B3GAT2: variants seen among roughly 807,000 people sequenced by gnomAD.
The protein encoded by B3GAT2 is beta-1,3-glucuronyltransferase 2.
A neutral mutation model predicts 27.8 loss-of-function variants in B3GAT2; 26 were observed. The observed-to-expected ratio is 0.93, with a 90% CI of 0.68 to 1.30. The LOEUF is 1.30. Among genes scored for constraint, B3GAT2 ranks in the 50% most tolerant of loss-of-function variants. B3GAT2 has a pLI of 0.00. For missense variants in B3GAT2, 458 were observed against 459.0 expected (o/e 1.00, Z 0.02); for synonymous variants, 218 against 195.1 (o/e 1.12, Z -0.98).
At chr6:70,947,174 A>G (rs1336375542) in intron 1 of B3GAT2, among the ~76,000 whole-genome samples, 1 of 152,042 alleles carries the variant, frequency 6.6e-6, no homozygotes, top group East Asian at 1.9e-4. Flanking sequence ...TAAAAGAACT[A>G]GAAAAGCAAG....
At chr6:70,872,520 T>G (rs1260398817) in intron 2 of B3GAT2, among the ~76,000 whole-genome samples, 5 of 134,502 alleles carry the variant, frequency 3.7e-5, no homozygotes, top group Non-Finnish European at 8.4e-5. Flanking sequence ...TTTTTTTTTT[T>G]TGGTTCCTGT....
At chr6:70,948,590 A>G (rs1765529623) in intron 1 of B3GAT2, among the ~76,000 whole-genome samples, 1 of 151,818 alleles carries the variant, frequency 6.6e-6, no homozygotes, top group South Asian at 2.1e-4. Context: ...GAGGATACAA[A>G]CAAATGGAAG....
intron 2 of B3GAT2, among the ~76,000 whole-genome samples, chr6:70,872,311 A>G (rs1296860630): frequency 1.3e-5 from 2 of 151,838 alleles, no homozygotes; most frequent in Non-Finnish European, 2.9e-5. Flanking sequence ...ATGATTATTG[A>G]TGAATTATTT....
At chr6:70,925,830 TGG>T (rs1772946925) in intron 1 of B3GAT2, among the ~76,000 whole-genome samples, 1 of 152,164 alleles carries the variant, frequency 6.6e-6, no homozygotes, top group African/African-American at 2.4e-5. Flanking sequence ...GATCTGGGAA[TGG>T]ACAGACTGCC....
At chr6:70,867,013 G>C (rs913573652) in intron 2 of B3GAT2, among the ~76,000 whole-genome samples, 3 of 151,922 alleles carry the variant, frequency 2.0e-5, no homozygotes, top group Admixed American at 2.0e-4. Flanking sequence ...TAAATACAAA[G>C]ATACCTGGAA....
chr6:70,943,867 T>C (rs1765433073), intron 1 of B3GAT2, among the ~76,000 whole-genome samples: 1 of 152,118 alleles, frequency 6.6e-6, no homozygotes, highest in African/African-American at 2.4e-5. Context: ...AGAATACATT[T>C]AGAAGATCAA....
rs1028338778 is a variant in B3GAT2, at chr6:70,937,924, C to G, written c.591+17915G>C. 5.2e-4 allele frequency among the ~76,000 whole-genome samples: 79 copies of G among 151,836 alleles called. 2 individuals carry two copies. The highest frequency in any genetic ancestry group is 5.1e-3 in the Admixed American group (78 of 15,222). ...CCAGGGCAATTAGGCAGAAGAAGGA[C>G]ATAAAGGGTATTCAATTAGGAAAAG... On this transcript the variant is annotated intron_variant, in intron 1 of 3. Coordinates refer to ENST00000230053, the MANE Select transcript of B3GAT2 (RefSeq NM_080742.3).
intron 1 of B3GAT2, among the ~76,000 whole-genome samples, chr6:70,912,710 C>A (rs1772707944): frequency 6.6e-6 from 1 of 151,948 alleles, no homozygotes; most frequent in Non-Finnish European, 1.5e-5. Context: ...AGGGGTCCCT[C>A]CTCCTTAATT....
Position 70,913,566 on chromosome 6 carries a change from G to A in B3GAT2, c.592-19294C>T, listed in dbSNP as rs1772721932. ...TTTTGTTGCGCCATGGTCCAAGAGT[G>A]TGGTTAGTGTGATTCTTGTGTTTTT... On this transcript the variant is annotated intron_variant, in intron 1 of 3. Coordinates refer to ENST00000230053, the MANE Select transcript of B3GAT2 (RefSeq NM_080742.3). Among the ~76,000 whole-genome samples, 4 of 152,098 alleles carry A rather than the reference G, an allele frequency of 2.6e-5. No homozygotes were observed. The South Asian group carries it at 8.3e-4, about 31-fold the overall frequency.
chr6:70,923,435 G>A (rs1235852616), intron 1 of B3GAT2, among the ~76,000 whole-genome samples: 1 of 152,122 alleles, frequency 6.6e-6, no homozygotes, highest in Non-Finnish European at 1.5e-5. Flanking sequence ...CCTGCACTTT[G>A]GGAGGCTGAG....
At position 70,859,479 on chromosome 6, in the gene B3GAT2, G is replaced by A; in HGVS notation, c.*2184C>T. The A allele has an allele frequency of 9.2e-7, 1 of 1,081,256 alleles. No homozygotes were observed. Among genetic ancestry groups the A allele is most frequent in the Non-Finnish European group, 1.3e-6 (1 of 749,026 alleles). 67.0% of individuals were successfully genotyped at this position (1,081,256 alleles called of 1,614,324 possible). The stretch of plus-strand genomic sequence containing the variant: ...CTGATTAGTGATGTAGTTTATGTTA[G>A]TGTCTTTGAAACTGTAAATAAGTCA... On this transcript the variant is annotated 3_prime_UTR_variant, in exon 4 of 4. Coordinates refer to ENST00000230053, the MANE Select transcript of B3GAT2 (RefSeq NM_080742.3).
chr6:70,870,799 G>A (rs1011016520), intron 2 of B3GAT2, among the ~76,000 whole-genome samples: 5 of 152,104 alleles, frequency 3.3e-5, no homozygotes, highest in Admixed American at 1.3e-4. Flanking sequence ...ATGGGTAGAG[G>A]GGTCATCTTG....
intron 2 of B3GAT2, among the ~76,000 whole-genome samples, chr6:70,872,190 T>C (rs138513624): frequency 0.01 from 1,522 of 152,098 alleles, 30 homozygotes; most frequent in African/African-American, 0.034. Flanking sequence ...TGGAGTGTTC[T>C]ATAGATGTTT....
chr6:70,933,050 G>A (rs1773085586), intron 1 of B3GAT2, among the ~76,000 whole-genome samples: 2 of 152,122 alleles, frequency 1.3e-5, no homozygotes, highest in Non-Finnish European at 1.5e-5. Context: ...CCTCCTGCCT[G>A]AGCCTCCCAA....
intron 2 of B3GAT2, among the ~76,000 whole-genome samples, chr6:70,865,849 A>C (rs563262): frequency 0.043 from 6,581 of 152,216 alleles, 504 homozygotes; most frequent in African/African-American, 0.15. Context: ...TGAGACAGAG[A>C]TCTCTGAGAA....
chr6:70,882,767 G>A (rs1772118396), intron 2 of B3GAT2, among the ~76,000 whole-genome samples: 2 of 152,192 alleles, frequency 1.3e-5, no homozygotes, highest in African/African-American at 4.8e-5. Context: ...AGAGAGTGGA[G>A]AATGCATGCC....
Position 70,861,717 on chromosome 6 carries a change from A to G in B3GAT2, c.918T>C (p.Val306=), listed in dbSNP as rs1257896129. The part of the protein sequence containing the change: ...VLVWHTRTEK[V]NLANEPKYHL... Reference sequence around the variant, plus strand: ...GGTACTTTGGCTCGTTGGCTAGATTAACCTTCTCTGTCCGAGTGTGCCACA... The same window carrying G: ...GGTACTTTGGCTCGTTGGCTAGATTGACCTTCTCTGTCCGAGTGTGCCACA... Residue 306 remains valine (V), a synonymous_variant, in exon 4 of 4, where the codon GTT becomes GTC. Coordinates refer to ENST00000230053, the MANE Select transcript of B3GAT2 (RefSeq NM_080742.3). The G allele has an allele frequency of 6.2e-7, 1 of 1,614,036 alleles. No homozygotes were observed. Among genetic ancestry groups the G allele is most frequent in the Non-Finnish European group, 8.5e-7 (1 of 1,179,992 alleles).
chr6:70,876,957 C>T (rs920462929), intron 2 of B3GAT2, among the ~76,000 whole-genome samples: 1 of 152,202 alleles, frequency 6.6e-6, no homozygotes, highest in African/African-American at 2.4e-5. Flanking sequence ...GACTTTGAAG[C>T]ATCCATGTAG....
intron 1 of B3GAT2, among the ~76,000 whole-genome samples, chr6:70,923,188 T>C (rs887335663): frequency 6.6e-5 from 10 of 152,198 alleles, no homozygotes; most frequent in Non-Finnish European, 1.5e-4. Context: ...TAGTACCAGG[T>C]AAACAGTGGA....
Sources: allele counts gnomAD v4.1 joint callset (sites outside exome capture counted in the v4.1 genomes callset), GRCh38; gene constraint gnomAD v4.1.1; transcripts MANE v1.5; gene names NCBI Gene and HGNC (gene_info 2026-07-23, HGNC 2026-07-21).